SMYD3: variants seen among roughly 807,000 people sequenced by gnomAD.
SMYD3 encodes histone-lysine N-methyltransferase SMYD3.
In SMYD3, 36 loss-of-function variants were observed where a neutral mutation model predicts 57.7. The ratio of observed to expected loss-of-function variants is 0.62; its 90% CI spans 0.48 to 0.82. The LOEUF is 0.82. Ranked by LOEUF, SMYD3 falls within the 40% of genes least tolerant of loss-of-function variation. SMYD3 has a pLI of 0.00. For missense variants in SMYD3, 515 were observed against 538.8 expected (o/e 0.96, Z 0.44); for synonymous variants, 211 against 195.0 (o/e 1.08, Z -0.68).
At chr1:246,121,372 G>T (rs915172698) in intron 5 of SMYD3, among the ~76,000 whole-genome samples, 1 of 113,746 alleles carries the variant, frequency 8.8e-6, no homozygotes. Flanking sequence ...TGTGTTTAGG[G>T]TTATTTCTTT....
At chr1:245,864,008 TATCA>T in intron 8 of SMYD3, 122 bp from the exon 9 acceptor site, 1 of 812,332 alleles carries the variant, frequency 1.2e-6, no homozygotes, top group Non-Finnish European at 2.0e-6. Flanking sequence ...TGGCATCATT[TATCA>T]TCAGGGAAAT....
intron 5 of SMYD3, among the ~76,000 whole-genome samples, chr1:246,067,632 G>A (rs1449740526): frequency 1.3e-5 from 2 of 152,064 alleles, no homozygotes; most frequent in African/African-American, 4.8e-5. Context: ...GCCTTGGGGC[G>A]CTCCAAGGAG....
At chr1:246,230,925 G>C (rs2063399630) in intron 5 of SMYD3, among the ~76,000 whole-genome samples, 2 of 152,188 alleles carry the variant, frequency 1.3e-5, no homozygotes, top group Non-Finnish European at 1.5e-5. Flanking sequence ...GCAAATCACA[G>C]CAAATCAATT....
intron 5 of SMYD3, among the ~76,000 whole-genome samples, chr1:246,252,624 T>C (rs904103836): frequency 6.6e-6 from 1 of 152,366 alleles, no homozygotes; most frequent in African/African-American, 2.4e-5. Context: ...TATTACATAT[T>C]AACTTATCAC....
intron 5 of SMYD3, among the ~76,000 whole-genome samples, chr1:246,027,469 A>G (rs1572909895): frequency 1.3e-5 from 2 of 152,312 alleles, no homozygotes; most frequent in Admixed American, 1.3e-4. Flanking sequence ...GTTGAAGCAA[A>G]TGTTCATTTA....
At chr1:246,268,542 C>CA (rs1461599941) in intron 5 of SMYD3, among the ~76,000 whole-genome samples, 1 of 151,406 alleles carries the variant, frequency 6.6e-6, no homozygotes, top group African/African-American at 2.4e-5. Context: ...CTAAAATACA[C>CA]AAAAAAAAGA....
intron 1 of SMYD3, among the ~76,000 whole-genome samples, chr1:246,406,545 C>T (rs2066869078): frequency 6.6e-6 from 1 of 152,208 alleles, no homozygotes; most frequent in African/African-American, 2.4e-5. Flanking sequence ...TGCCTTTTCG[C>T]TCTTCTTGTA....
chr1:246,136,508 A>T (rs1439761763), intron 5 of SMYD3, among the ~76,000 whole-genome samples: 1 of 152,188 alleles, frequency 6.6e-6, no homozygotes, highest in African/African-American at 2.4e-5. Context: ...AGAAAGGTGC[A>T]AAAAAATGCA....
At chr1:246,191,823 A>G (rs1572187206) in intron 5 of SMYD3, among the ~76,000 whole-genome samples, 1 of 152,328 alleles carries the variant, frequency 6.6e-6, no homozygotes, top group South Asian at 2.1e-4. Context: ...TCATTCCTGA[A>G]GTATGGCCAC....
chr1:246,475,885 T>C (rs1166992176), intron 1 of SMYD3, among the ~76,000 whole-genome samples: 1 of 152,144 alleles, frequency 6.6e-6, no homozygotes, highest in Non-Finnish European at 1.5e-5. Flanking sequence ...AAAGTGCTAG[T>C]ATTACAGGCG....
At chr1:246,443,879 CAAATA>C (rs895766447) in intron 1 of SMYD3, among the ~76,000 whole-genome samples, 23 of 152,114 alleles carry the variant, frequency 1.5e-4, no homozygotes, top group African/African-American at 5.3e-4. Context: ...ATCAATAAAT[CAAATA>C]AAACTTACTT....
intron 10 of SMYD3, among the ~76,000 whole-genome samples, chr1:245,827,090 G>A (rs754638806): frequency 7.9e-5 from 12 of 152,244 alleles, no homozygotes; most frequent in African/African-American, 2.6e-4. Context: ...CTGCGCTAAC[G>A]GAGCCTCTCA....
chr1:245,881,696 G>A (rs61168071), intron 8 of SMYD3, among the ~76,000 whole-genome samples: 14 of 152,236 alleles, frequency 9.2e-5, no homozygotes, highest in East Asian at 5.8e-4. Flanking sequence ...GATACGTAAC[G>A]TTTGCTAGTG....
intron 10 of SMYD3, among the ~76,000 whole-genome samples, chr1:245,843,721 G>T (rs4511082): frequency 0.35 from 52,526 of 151,876 alleles, 11,074 homozygotes; most frequent in African/African-American, 0.58. Context: ...GAAGGAAAGG[G>T]TATGTGTGGT....
At chr1:245,840,153 G>C (rs547490408) in intron 10 of SMYD3, among the ~76,000 whole-genome samples, 2 of 152,158 alleles carry the variant, frequency 1.3e-5, no homozygotes, top group Non-Finnish European at 2.9e-5. Flanking sequence ...GGAAAAAATA[G>C]GGAAAACTTT....
In SMYD3 at chr1:246,276,978, G is replaced by C. The variant is rs1044582005; in HGVS notation, c.531+50223C>G. Among the ~76,000 whole-genome samples, 4 of 152,090 alleles carry C rather than the reference G, an allele frequency of 2.6e-5. 1 individual carries two copies. In the South Asian group the frequency reaches 6.2e-4, roughly 24 times the overall value. Reference sequence around the variant, plus strand: ...CTGGCAGGTTATTTAATGTCTCTAGGTCTCAGTTTCCCATCTGCAAAATGG... The same window carrying C: ...CTGGCAGGTTATTTAATGTCTCTAGCTCTCAGTTTCCCATCTGCAAAATGG... On this transcript the variant is annotated intron_variant, in intron 5 of 11. Coordinates refer to ENST00000490107, the MANE Select transcript of SMYD3 (RefSeq NM_001167740.2).
At chr1:245,774,171 C>A (rs2046445427) in intron 10 of SMYD3, among the ~76,000 whole-genome samples, 1 of 152,188 alleles carries the variant, frequency 6.6e-6, no homozygotes, top group South Asian at 2.1e-4. Flanking sequence ...AGCAGAATAG[C>A]TGAACTGCTG....
rs979591073 is a variant in SMYD3 at position 246,218,152 on chromosome 1, C to G, written c.531+109049G>C. On this transcript the variant is annotated intron_variant, in intron 5 of 11. Coordinates refer to ENST00000490107, the MANE Select transcript of SMYD3 (RefSeq NM_001167740.2). ...GAAAGTAGACAAGAATACGTACACT[C>G]TGACATGAGTAAAGTTAAAAACATA... Among the ~76,000 whole-genome samples the G allele has an allele frequency of 5.3e-5, 8 of 152,038 alleles. No individual in the cohort carries two copies. The South Asian group carries it at 1.2e-3, about 24-fold the overall frequency.
At chr1:246,219,863 TC>T (rs1363994614) in intron 5 of SMYD3, among the ~76,000 whole-genome samples, 3 of 152,056 alleles carry the variant, frequency 2.0e-5, no homozygotes, top group Admixed American at 6.5e-5. Flanking sequence ...ACGCAGCAGA[TC>T]CGACTGAGTG....
Sources: allele counts gnomAD v4.1 joint callset (sites outside exome capture counted in the v4.1 genomes callset), GRCh38; gene constraint gnomAD v4.1.1; transcripts MANE v1.5; gene names NCBI Gene and HGNC (gene_info 2026-07-23, HGNC 2026-07-21).